CIAO1: variants seen among roughly 807,000 people sequenced by gnomAD.
CIAO1 encodes cytosolic iron-sulfur assembly component 1.
A neutral mutation model predicts 43.1 loss-of-function variants in CIAO1; 32 were observed. That is an observed-to-expected ratio of 0.74 (90% CI 0.56 to 1.00). CIAO1 has a LOEUF of 1.00. CIAO1 is among the 50% of genes least tolerant of loss of function. The probability of loss-of-function intolerance (pLI) is 0.00; values close to 1 mark genes in which losing one functional copy is unlikely to be tolerated. For synonymous variants in CIAO1, 183 were observed against 171.4 expected (o/e 1.07, Z -0.53); for missense variants, 415 against 437.4 (o/e 0.95, Z 0.46).
chr2:96,271,088 C>CA (rs1318252002), intron 6 of CIAO1, 23 bp from the exon 7 acceptor site: 82 of 1,613,800 alleles, frequency 5.1e-5, no homozygotes, highest in Non-Finnish European at 6.6e-5. Flanking sequence ...CAGGTATACC[C>CA]ACTGATGTCA....
rs1684427060 is a variant in CIAO1 at position 96,266,302 on chromosome 2, C to T, written c.-49C>T. The stretch of plus-strand genomic sequence containing the variant: ...AGACGCGCGCGGTGAGACCCGCTGT[C>T]TGCTCAGCGGACTCTGCCCGCCCCC... On this transcript the variant is annotated 5_prime_UTR_variant, in exon 1 of 7. Transcript: ENST00000488633. 5.2e-6 allele frequency: 7 copies of T among 1,339,342 alleles called. No homozygotes were observed. The highest frequency in any genetic ancestry group is 6.8e-6 in the Non-Finnish European group (7 of 1,034,066). 83.0% of individuals were successfully genotyped at this position (1,339,342 alleles called of 1,614,324 possible).
intron 5 of CIAO1, 45 bp from the exon 6 acceptor site, chr2:96,269,223 C>G: frequency 6.4e-7 from 1 of 1,566,598 alleles, no homozygotes; most frequent in Non-Finnish European, 8.8e-7. Flanking sequence ...TTTGAGGTGC[C>G]CAGGACATAG....
In CIAO1 at chr2:96,272,496, C is replaced by A. The variant is rs943688756; in HGVS notation, c.*1145C>A. On this transcript the variant is annotated 3_prime_UTR_variant, in exon 7 of 7. Transcript: ENST00000488633. ...TAGTTTTGATATGTCCTTGATAGAACAAATAGCAATGGTTAACTATTAAAT... is the reference window on the plus strand; with the variant it reads ...TAGTTTTGATATGTCCTTGATAGAAAAAATAGCAATGGTTAACTATTAAAT... 6.6e-6 allele frequency: 1 copy of A among 152,212 alleles called. No individual in the cohort carries two copies. Among genetic ancestry groups the A allele is most frequent in the African/African-American group, 2.4e-5 (1 of 41,454 alleles). 9.4% of individuals were successfully genotyped at this position (152,212 alleles called of 1,614,324 possible). A position where few individuals can be genotyped will look rare whatever the true frequency, so the allele number is the denominator to read the frequency against.
In CIAO1 at chr2:96,271,949, A is replaced by G. The variant is rs1231087306; in HGVS notation, c.*598A>G. Reference sequence around the variant, plus strand: ...GCTGTGATGGCAACTGGGGATAGAAAAAAAATGGGGAAAGACAGGAATCCT... The same window carrying G: ...GCTGTGATGGCAACTGGGGATAGAAGAAAAATGGGGAAAGACAGGAATCCT... On this transcript the variant is annotated 3_prime_UTR_variant, in exon 7 of 7. Transcript: ENST00000488633. 6.6e-6 allele frequency: 1 copy of G among 152,268 alleles called. No individual in the cohort carries two copies. The highest frequency in any genetic ancestry group is 1.5e-5 in the Non-Finnish European group (1 of 68,110). 9.4% of individuals were successfully genotyped at this position (152,268 alleles called of 1,614,324 possible).
chr2:96,271,372 A>C lies in CIAO1; in HGVS notation c.*21A>C. 6.2e-7 allele frequency: 1 copy of C among 1,607,918 alleles called. No individual in the cohort carries two copies. Among genetic ancestry groups the C allele is most frequent in the Non-Finnish European group, 8.5e-7 (1 of 1,176,276 alleles). ...TCTGAGCTACCTCGACTTTGGACAG[A>C]GTAATGACTCCCCAGAAAACGTCAT... On this transcript the variant is annotated 3_prime_UTR_variant, in exon 7 of 7. Transcript: ENST00000488633.
rs1226601773 is a variant in CIAO1 at position 96,267,746 on chromosome 2, G to C, written c.400+10G>C. On this transcript the variant is annotated intron_variant, in intron 3 of 6. Coordinates refer to ENST00000488633, the MANE Select transcript of CIAO1 (RefSeq NM_004804.3). ...GTTTGGGTCTGGGAAGGTGAGGCCA[G>C]GTCCCTCCAGGTGGATTGGGAACCA... The C allele has an allele frequency of 6.2e-7, 1 of 1,613,858 alleles. No homozygotes were observed. Among genetic ancestry groups the C allele is most frequent in the Non-Finnish European group, 8.5e-7 (1 of 1,179,724 alleles).
chr2:96,271,460 C>G lies in CIAO1; in HGVS notation c.*109C>G, dbSNP rs973923390. ...CATCCTTGACCTTCATTTAACTTGG[C>G]TCACTTCTCTTCAGACTTGGGTAGA... is the stretch of plus-strand genomic sequence containing the variant. On this transcript the variant is annotated 3_prime_UTR_variant, in exon 7 of 7. Coordinates refer to ENST00000488633, the MANE Select transcript of CIAO1 (RefSeq NM_004804.3). 1.5e-6 allele frequency: 2 copies of G among 1,367,892 alleles called. No homozygotes were observed. Among genetic ancestry groups the G allele is most frequent in the African/African-American group, 2.9e-5 (2 of 69,162 alleles). 84.7% of individuals were successfully genotyped at this position (1,367,892 alleles called of 1,614,324 possible). A position where few individuals can be genotyped will look rare whatever the true frequency, so the allele number is the denominator to read the frequency against.
In CIAO1 at chr2:96,271,445, C is replaced by T; in HGVS notation, c.*94C>T. ...GAGGACCAGGAGGAGCATCCTTGAC[C>T]TTCATTTAACTTGGCTCACTTCTCT... On this transcript the variant is annotated 3_prime_UTR_variant, in exon 7 of 7. Transcript: ENST00000488633. 6.9e-7 allele frequency: 1 copy of T among 1,444,166 alleles called. No individual in the cohort carries two copies. The highest frequency in any genetic ancestry group is 9.3e-7 in the Non-Finnish European group (1 of 1,073,950). 89.5% of individuals were successfully genotyped at this position (1,444,166 alleles called of 1,614,324 possible).
chr2:96,270,914 A>C (rs1284013016), intron 6 of CIAO1, among the ~76,000 whole-genome samples, 197 bp from the exon 7 acceptor site: 2 of 152,124 alleles, frequency 1.3e-5, no homozygotes, highest in Admixed American at 1.3e-4. Context: ...TAATCATAGT[A>C]GGGGAAAGAA....
chr2:96,266,583 C>A, intron 1 of CIAO1, 94 bp downstream of exon 1: 2 of 1,240,640 alleles, frequency 1.6e-6, no homozygotes, highest in East Asian at 6.1e-5. Flanking sequence ...TGAACCTGTT[C>A]CTGGCGGAGG....
chr2:96,267,134 CAAAAA>C (rs1183454827), intron 1 of CIAO1, among the ~76,000 whole-genome samples, 182 bp from the exon 2 acceptor site: 5 of 36,804 alleles, frequency 1.4e-4, no homozygotes, highest in Admixed American at 3.6e-4. Flanking sequence ...AACTCCGTCT[CAAAAA>C]AAAAAAAAAA....
intron 6 of CIAO1, among the ~76,000 whole-genome samples, chr2:96,269,813 A>G (rs1442856257): frequency 6.6e-6 from 1 of 151,946 alleles, no homozygotes; most frequent in African/African-American, 2.4e-5. Flanking sequence ...ATGCCTGGCT[A>G]ATTTTTTATT....
rs752922921 is a variant in CIAO1 at position 96,267,850 on chromosome 2, G to C, written c.415G>C (p.Glu139Gln). Residue 139 changes from glutamate (E) to glutamine (Q), a missense_variant, in exon 4 of 7, where the codon GAG becomes CAG. By Grantham distance (29) the Glu-to-Gln change is conservative. Transcript: ENST00000488633. The part of the protein sequence containing the change: ...VWVWEVDEED[E>Q]YECVSVLNSH... ...CTCTCCCACAGTTGATGAAGAGGAT[G>C]AGTATGAATGTGTCAGTGTTCTCAA... 3 of 1,614,018 alleles carry C rather than the reference G, an allele frequency of 1.9e-6. No individual in the cohort carries two copies. The highest frequency in any genetic ancestry group is 2.5e-6 in the Non-Finnish European group (3 of 1,180,008).
chr2:96,266,247 G>A lies in CIAO1; in HGVS notation c.-104G>A, dbSNP rs1684425238. Reference sequence around the variant, plus strand: ...TCCGGCGGAAGCGGGAGCCTCTGTCGGCCGCGGAAGCCTGGAGTGGGCGGT... The same window carrying A: ...TCCGGCGGAAGCGGGAGCCTCTGTCAGCCGCGGAAGCCTGGAGTGGGCGGT... On this transcript the variant is annotated 5_prime_UTR_variant, in exon 1 of 7. Coordinates refer to ENST00000488633, the MANE Select transcript of CIAO1 (RefSeq NM_004804.3). The A allele has an allele frequency of 8.1e-7, 1 of 1,227,508 alleles. No homozygotes were observed. Among genetic ancestry groups the A allele is most frequent in the Non-Finnish European group, 1.0e-6 (1 of 970,552 alleles). The allele number at this position is 1,227,508 out of a possible 1,614,324, so 76.0% of individuals were successfully genotyped here. A position where few individuals can be genotyped will look rare whatever the true frequency, so the allele number is the denominator to read the frequency against.
At chr2:96,270,204 G>T (rs1180450436) in intron 6 of CIAO1, among the ~76,000 whole-genome samples, 1 of 152,140 alleles carries the variant, frequency 6.6e-6, no homozygotes, top group Non-Finnish European at 1.5e-5. Flanking sequence ...AAAGAAAGGG[G>T]TTAAGAATAC....
At chr2:96,266,514 C>T (rs1025174917) in intron 1 of CIAO1, 25 bp downstream of exon 1, 3 of 1,444,138 alleles carry the variant, frequency 2.1e-6, no homozygotes, top group Non-Finnish European at 2.8e-6. Flanking sequence ...GGTTGCGCGG[C>T]CCTCAGCGCT....
chr2:96,269,261 C>T lies in CIAO1; in HGVS notation c.692-7C>T. ...ACGTTTAAGGGCAAGAGAAGTCTGTCTTGCAGGGGTGGCATGCAGCGGCTC... is the reference window on the plus strand; with the variant it reads ...ACGTTTAAGGGCAAGAGAAGTCTGTTTTGCAGGGGTGGCATGCAGCGGCTC... On this transcript the variant is annotated splice_polypyrimidine_tract_variant and splice_region_variant and intron_variant, in intron 5 of 6. Transcript: ENST00000488633. The T allele has an allele frequency of 6.2e-7, 1 of 1,614,032 alleles. No homozygotes were observed. The highest frequency in any genetic ancestry group is 8.5e-7 in the Non-Finnish European group (1 of 1,179,882).
At chr2:96,267,958 C>A in intron 4 of CIAO1, 34 bp downstream of exon 4, 1 of 1,543,820 alleles carries the variant, frequency 6.5e-7, no homozygotes, top group Non-Finnish European at 9.0e-7. Context: ...GTGGGAAGGG[C>A]TCTGGTGTGC....
intron 1 of CIAO1, 121 bp downstream of exon 1, chr2:96,266,610 C>A: frequency 1.8e-6 from 2 of 1,120,436 alleles, no homozygotes; most frequent in Non-Finnish European, 2.3e-6. Context: ...GGGATGTTAG[C>A]CACGCCGAGA....
Sources: allele counts gnomAD v4.1 joint callset (sites outside exome capture counted in the v4.1 genomes callset), GRCh38; gene constraint gnomAD v4.1.1; transcripts MANE v1.5; gene names NCBI Gene and HGNC (gene_info 2026-07-23, HGNC 2026-07-21).